The following AGBL4 variants were observed in gnomAD, a reference collection of about 807,000 sequenced individuals.
The protein encoded by AGBL4 is cytosolic carboxypeptidase 6.
In AGBL4, 58 loss-of-function variants were observed where a neutral mutation model predicts 66.4. The observed-to-expected ratio is 0.87, with a 90% CI of 0.71 to 1.09. AGBL4 has a LOEUF of 1.09. Among genes scored for constraint, AGBL4 ranks in the 50% least tolerant of loss-of-function variants. The pLI is 0.00. For missense variants in AGBL4, 579 were observed against 631.0 expected, an observed-to-expected ratio of 0.92 and a Z score of 0.88; for synonymous variants, 234 against 222.9, an observed-to-expected ratio of 1.05 and a Z score of -0.44.
At chr1:48,881,495 G>A (rs1649777689) in intron 5 of AGBL4, among the ~76,000 whole-genome samples, 2 of 152,114 alleles carry the variant, frequency 1.3e-5, no homozygotes, top group African/African-American at 2.4e-5. Context: ...ACCAACTTTA[G>A]TAGCACTGGG....
rs1051861908 is a variant in AGBL4 at position 49,482,705 on chromosome 1, T to C, written c.282+214608A>G. Among the ~76,000 whole-genome samples, 4 of 152,146 alleles carry C rather than the reference T, an allele frequency of 2.6e-5. No homozygotes were observed. The East Asian group carries it at 7.8e-4, about 30-fold the overall frequency. On this transcript the variant is annotated intron_variant, in intron 3 of 13. Coordinates refer to ENST00000371839, the MANE Select transcript of AGBL4 (RefSeq NM_032785.4). Reference sequence around the variant, plus strand: ...TTTGCCATTGGTTCTCTAGTTCTTCTAGTTGTGATATTAGGTTGTTGAGAT... The same window carrying C: ...TTTGCCATTGGTTCTCTAGTTCTTCCAGTTGTGATATTAGGTTGTTGAGAT...
chr1:48,712,724 G>T (rs1376999132), intron 6 of AGBL4, among the ~76,000 whole-genome samples: 1 of 152,164 alleles, frequency 6.6e-6, no homozygotes, highest in East Asian at 1.9e-4. Flanking sequence ...CACGTTCTGG[G>T]GATGGCACAC....
At chr1:49,536,638 A>AT (rs1443089481) in intron 3 of AGBL4, among the ~76,000 whole-genome samples, 1 of 152,210 alleles carries the variant, frequency 6.6e-6, no homozygotes, top group African/African-American at 2.4e-5. Flanking sequence ...GCATCATATT[A>AT]TGTAACTTCA....
At chr1:49,530,273 C>CAAAACAAAAAAAA (rs1651010174) in intron 3 of AGBL4, among the ~76,000 whole-genome samples, 1 of 111,928 alleles carries the variant, frequency 8.9e-6, no homozygotes, top group African/African-American at 3.6e-5. Context: ...AAAAAAAAAA[C>CAAAACAAAAAAAA]AAAAAAAAAC....
chr1:49,310,034 G>T (rs1446720422), intron 3 of AGBL4, among the ~76,000 whole-genome samples: 1 of 152,016 alleles, frequency 6.6e-6, no homozygotes, highest in Non-Finnish European at 1.5e-5. Flanking sequence ...TTTAAATGGA[G>T]GAATTGGGTT....
At chr1:49,480,877 A>G (rs1646941558) in intron 3 of AGBL4, among the ~76,000 whole-genome samples, 1 of 152,090 alleles carries the variant, frequency 6.6e-6, no homozygotes. Flanking sequence ...TTACAGCATC[A>G]TTTATTGAAT....
chr1:49,235,855 T>C (rs531732813), intron 4 of AGBL4, among the ~76,000 whole-genome samples: 19 of 152,240 alleles, frequency 1.2e-4, no homozygotes, highest in Admixed American at 1.2e-3. Context: ...GAGGTTAAGT[T>C]ACCTTACTCC....
Position 48,660,953 on chromosome 1 carries a change from C to T in AGBL4, c.724+2199G>A, listed in dbSNP as rs189785746. On this transcript the variant is annotated intron_variant, in intron 7 of 13. Transcript: ENST00000371839. ...TAGACCTAGGTTAAAAGCCCCACTC[C>T]GCTATTTAATGACTGTGTAACCCTG... Among the ~76,000 whole-genome samples, 335 of 152,196 alleles carry T rather than the reference C, an allele frequency of 2.2e-3. 2 individuals are homozygous for T. Among genetic ancestry groups the T allele is most frequent in the African/African-American group, 7.5e-3 (311 of 41,522 alleles).
intron 2 of AGBL4, among the ~76,000 whole-genome samples, chr1:49,727,204 C>T (rs1339137025): frequency 6.6e-6 from 1 of 151,988 alleles, no homozygotes; most frequent in Non-Finnish European, 1.5e-5. Context: ...ATACGTGCTA[C>T]AGGAAGAAAA....
At chr1:49,042,160 A>G (rs983372044) in intron 5 of AGBL4, among the ~76,000 whole-genome samples, 1 of 152,074 alleles carries the variant, frequency 6.6e-6, no homozygotes, top group African/African-American at 2.4e-5. Context: ...TTGTATATAT[A>G]CAAGTACACA....
intron 6 of AGBL4, among the ~76,000 whole-genome samples, chr1:48,842,163 T>C (rs1646819801): frequency 6.6e-6 from 1 of 152,168 alleles, no homozygotes; most frequent in Admixed American, 6.5e-5. Flanking sequence ...TTCAATTTCC[T>C]TGCTCAATCC....
intron 1 of AGBL4, among the ~76,000 whole-genome samples, chr1:49,903,495 G>A (rs1481485559): frequency 2.0e-5 from 3 of 151,972 alleles, no homozygotes; most frequent in Admixed American, 2.0e-4. Flanking sequence ...GTGTACTCCT[G>A]AACCTAAAAG....
intron 1 of AGBL4, among the ~76,000 whole-genome samples, chr1:49,962,414 G>A (rs1657193409): frequency 6.6e-6 from 1 of 152,100 alleles, no homozygotes; most frequent in African/African-American, 2.4e-5. Context: ...TTTTCAAAGT[G>A]TGGGGCACAT....
intron 11 of AGBL4, among the ~76,000 whole-genome samples, chr1:48,554,104 A>T (rs1468055903): frequency 6.6e-6 from 1 of 152,166 alleles, no homozygotes; most frequent in East Asian, 1.9e-4. Context: ...CCTGGGAAGC[A>T]TCAAATCCTG....
At chr1:49,421,889 G>A (rs1375359016) in intron 3 of AGBL4, among the ~76,000 whole-genome samples, 1 of 151,866 alleles carries the variant, frequency 6.6e-6, no homozygotes, top group Admixed American at 6.6e-5. Context: ...ACCGTTTGAC[G>A]CCCACTCCAC....
chr1:49,448,438 C>T (rs1224533502), intron 3 of AGBL4, among the ~76,000 whole-genome samples: 3 of 152,152 alleles, frequency 2.0e-5, no homozygotes, highest in African/African-American at 7.2e-5. Context: ...ACTTGTCTCT[C>T]CCCGATTCAG....
At chr1:49,047,683 A>C (rs1359434563) in intron 4 of AGBL4, among the ~76,000 whole-genome samples, 1 of 152,148 alleles carries the variant, frequency 6.6e-6, no homozygotes, top group Non-Finnish European at 1.5e-5. Context: ...CAATTGGGGT[A>C]GTAATGTCCT....
intron 5 of AGBL4, among the ~76,000 whole-genome samples, chr1:48,880,547 T>C (rs1649678151): frequency 1.3e-5 from 2 of 152,224 alleles, no homozygotes; most frequent in Non-Finnish European, 2.9e-5. Flanking sequence ...TCCACACTGT[T>C]TTCCACAGTG....
chr1:49,390,641 GGAAGTAGTA>G (rs923182050), intron 3 of AGBL4, among the ~76,000 whole-genome samples: 3 of 152,146 alleles, frequency 2.0e-5, no homozygotes, highest in Non-Finnish European at 4.4e-5. Flanking sequence ...ACACAGTACA[GGAAGTAGTA>G]GAGCTACCAT....
Sources: gnomAD v4.1 joint callset for allele counts (sites outside exome capture counted in the v4.1 genomes callset) on GRCh38, gnomAD v4.1.1 for gene constraint, MANE v1.5 for transcripts, NCBI Gene and HGNC (gene_info 2026-07-23, HGNC 2026-07-21) for gene names.